Variants in IGF2R observed in about 807,000 individuals in gnomAD.
IGF2R encodes the protein insulin like growth factor 2 receptor.
A neutral mutation model predicts 270.6 loss-of-function variants in IGF2R; 91 were observed. The ratio of observed to expected loss-of-function variants is 0.34; its 90% CI spans 0.28 to 0.40. The LOEUF is 0.40. IGF2R is among the 10% of genes least tolerant of loss of function. The probability of loss-of-function intolerance (pLI) is 1.00; values close to 1 mark genes in which losing one functional copy is unlikely to be tolerated. For synonymous variants in IGF2R, 1,316 were observed against 1,258.9 expected (o/e 1.05, Z -0.96); for missense variants, 2,805 against 3,188.3 (o/e 0.88, Z 2.90).
intron 7 of IGF2R, 108 bp downstream of exon 7, chr6:160,029,763 G>T: frequency 1.4e-6 from 1 of 722,832 alleles, no homozygotes. Context: ...CAGGAAGCTG[G>T]GAGCCATGAC....
Position 160,108,033 on chromosome 6 carries a change from G to C in IGF2R, c.*2949G>C, listed in dbSNP as rs1169065615. The C allele has an allele frequency of 6.6e-6, 1 of 152,270 alleles. No individual in the cohort carries two copies. Among genetic ancestry groups the C allele is most frequent in the Non-Finnish European group, 1.5e-5 (1 of 68,064 alleles). The allele number at this position is 152,270 out of a possible 1,614,324, so 9.4% of individuals were successfully genotyped here. A position where few individuals can be genotyped will look rare whatever the true frequency, so the allele number is the denominator to read the frequency against. On this transcript the variant is annotated 3_prime_UTR_variant, in exon 48 of 48. Transcript: ENST00000356956. ...TGATGGGTACACAGGTCTTACCCCT[G>C]TTGGCGATCGGGTCACAAGGAGCCA...
rs759987582 is a variant in IGF2R at position 160,078,269 on chromosome 6, T to C, written c.5385T>C (p.Cys1795=). 1.9e-6 allele frequency: 3 copies of C among 1,614,230 alleles called. No homozygotes were observed. The highest frequency in any genetic ancestry group is 2.5e-6 in the Non-Finnish European group (3 of 1,180,018). ...TCGAATGGGAGACTCCTGTCGTCTG[T>C]CCTGATGAAGTGAGGATGGATGGCT... ...FVFEWETPVV[C]PDEVRMDGCT... is the part of the protein sequence containing the mutation. Residue 1795 remains cysteine (C), a synonymous_variant, in exon 37 of 48, where the codon TGT becomes TGC. Transcript: ENST00000356956.
At chr6:160,068,065 G>GT (rs973206316) in intron 29 of IGF2R, among the ~76,000 whole-genome samples, 184 bp from the exon 30 acceptor site, 5,613 of 77,298 alleles carry the variant, frequency 0.073, 154 homozygotes, top group African/African-American at 0.14. Flanking sequence ...TCTGATGGGG[G>GT]GTGTGTGTGT....
In IGF2R at chr6:160,079,807, T is replaced by G. The variant is rs1778938286; in HGVS notation, c.5686+20T>G. ...CTCCAGGTAAATATTTGCAATGAGG[T>G]AAATAAACTTCAAGCTCATAGTAAA... On this transcript the variant is annotated intron_variant, in intron 38 of 47. Coordinates refer to ENST00000356956, the MANE Select transcript of IGF2R (RefSeq NM_000876.4). The G allele has an allele frequency of 1.4e-6, 2 of 1,442,466 alleles. No individual in the cohort carries two copies. The highest frequency in any genetic ancestry group is 1.8e-6 in the Non-Finnish European group (2 of 1,089,164). The allele number at this position is 1,442,466 out of a possible 1,614,324, so 89.4% of individuals were successfully genotyped here. A position where few individuals can be genotyped will look rare whatever the true frequency, so the allele number is the denominator to read the frequency against.
rs376670792 is a variant in IGF2R at position 160,073,286 on chromosome 6, G to A, written c.4764G>A (p.Leu1588=). 1.2e-6 allele frequency: 2 copies of A among 1,614,278 alleles called. No homozygotes were observed. Among genetic ancestry groups the A allele is most frequent in the East Asian group, 4.5e-5 (2 of 44,892 alleles). The change falls in exon 34 of 48, where the codon CTG becomes CTA. Residue 1588 remains leucine (L), a synonymous_variant. Transcript: ENST00000356956. ...GGCTGAGATACGTGGACCAGGTCCT[G>A]CAGCTGGTGTACAAGGATGGGTCCC... ...NKRLRYVDQV[L]QLVYKDGSPC...
At chr6:159,989,781 G>A (rs1475797376) in intron 1 of IGF2R, among the ~76,000 whole-genome samples, 2 of 152,160 alleles carry the variant, frequency 1.3e-5, no homozygotes, top group Non-Finnish European at 2.9e-5. Flanking sequence ...TTCCTTTTCT[G>A]TTTTTACTCC....
At chr6:160,005,935 T>C (rs2115198069) in intron 2 of IGF2R, 1 of 156,532 alleles carries the variant, frequency 6.4e-6, no homozygotes, top group Non-Finnish European at 1.4e-5. Flanking sequence ...TCCCCGCACC[T>C]TTTGCGCCTC....
intron 45 of IGF2R, among the ~76,000 whole-genome samples, chr6:160,097,359 C>T (rs755337059): frequency 6.6e-6 from 1 of 152,172 alleles, no homozygotes; most frequent in Non-Finnish European, 1.5e-5. Context: ...GGGATGGACT[C>T]TTGCTCTGTC....
At chr6:159,999,830 A>G (rs183904170) in intron 2 of IGF2R, among the ~76,000 whole-genome samples, 101 of 152,372 alleles carry the variant, frequency 6.6e-4, no homozygotes, top group Admixed American at 1.9e-3. Context: ...TAAAAAGACA[A>G]TAGAACATTG....
At chr6:160,048,283 T>G in intron 17 of IGF2R, 92 bp from the exon 18 acceptor site, 1 of 1,228,350 alleles carries the variant, frequency 8.1e-7, no homozygotes, top group East Asian at 2.4e-5. Flanking sequence ...ATGTTTTATT[T>G]GGTAGCTTTA....
chr6:159,976,531 C>T (rs1309488825), intron 1 of IGF2R, among the ~76,000 whole-genome samples: 5 of 152,000 alleles, frequency 3.3e-5, no homozygotes, highest in Admixed American at 1.3e-4. Context: ...TTCTGTTTCT[C>T]GTTTGACTTG....
At chr6:160,071,539 A>G (rs551607997) in intron 31 of IGF2R, among the ~76,000 whole-genome samples, 1 of 152,078 alleles carries the variant, frequency 6.6e-6, no homozygotes, top group South Asian at 2.1e-4. Context: ...AATGGATTTT[A>G]CCTCATTTGG....
chr6:160,046,692 A>C, intron 15 of IGF2R, 47 bp downstream of exon 15: 2 of 1,581,900 alleles, frequency 1.3e-6, no homozygotes. Flanking sequence ...TTATATGCTA[A>C]GAAATATTAT....
At position 160,072,081 on chromosome 6, in the gene IGF2R, G is replaced by A. The variant is rs1323299936; in HGVS notation, c.4570+45G>A. 4.3e-6 allele frequency: 7 copies of A among 1,610,980 alleles called. No homozygotes were observed. In the South Asian group the frequency reaches 5.5e-5, roughly 13 times the overall value. On this transcript the variant is annotated intron_variant, in intron 32 of 47. Transcript: ENST00000356956. The stretch of plus-strand genomic sequence containing the variant: ...GTTAACCCCAGCGCAGGTGAGAGAC[G>A]GTGCCCCCACCAAACCCAGCTCATC...
chr6:160,076,482 A>G (rs774045611), intron 36 of IGF2R, among the ~76,000 whole-genome samples: 1 of 152,210 alleles, frequency 6.6e-6, no homozygotes, highest in Non-Finnish European at 1.5e-5. Flanking sequence ...CATTAAAAAA[A>G]GAATACCAGC....
chr6:160,035,370 G>A (rs1777795068), intron 10 of IGF2R, among the ~76,000 whole-genome samples: 1 of 152,240 alleles, frequency 6.6e-6, no homozygotes, highest in African/African-American at 2.4e-5. Flanking sequence ...ACTGTGGGAT[G>A]AGGGAGAGGC....
rs184367385 is a variant in IGF2R, at chr6:160,085,499, G to A, written c.6205+368G>A. Among the ~76,000 whole-genome samples, 6 of 152,330 alleles carry A rather than the reference G, an allele frequency of 3.9e-5. No individual in the cohort carries two copies. The East Asian group carries it at 7.7e-4, about 20-fold the overall frequency. Reference sequence around the variant, plus strand: ...GTTTGTTTAGGAAAGCCAAACAGTTGCATGAGGACTTGGTACAGGTAGTTC... The same window carrying A: ...GTTTGTTTAGGAAAGCCAAACAGTTACATGAGGACTTGGTACAGGTAGTTC... On this transcript the variant is annotated intron_variant, in intron 41 of 47. Coordinates refer to ENST00000356956, the MANE Select transcript of IGF2R (RefSeq NM_000876.4).
At chr6:160,000,833 T>C (rs2115191602) in intron 2 of IGF2R, among the ~76,000 whole-genome samples, 1 of 149,704 alleles carries the variant, frequency 6.7e-6, no homozygotes, top group Admixed American at 6.7e-5. Context: ...CCCCCTGGGT[T>C]TAAGCGATTC....
intron 12 of IGF2R, among the ~76,000 whole-genome samples, chr6:160,043,507 A>G (rs1429440616): frequency 6.6e-6 from 1 of 152,270 alleles, no homozygotes; most frequent in Non-Finnish European, 1.5e-5. Context: ...GGCTAAAGCC[A>G]TAACTGGGAA....
Sources: gnomAD v4.1 joint callset for allele counts (sites outside exome capture counted in the v4.1 genomes callset) on GRCh38, gnomAD v4.1.1 for gene constraint, MANE v1.5 for transcripts, NCBI Gene and HGNC (gene_info 2026-07-23, HGNC 2026-07-21) for gene names.